Variants in BASP1 observed in about 807,000 individuals in gnomAD.
The protein encoded by BASP1 is brain acid soluble protein 1.
BASP1 carries 1 observed loss-of-function variant against 2.2 expected under a neutral mutation model. The observed-to-expected ratio is 0.46, with a 90% confidence interval of 0.16 to 2.17. The LOEUF (loss-of-function observed/expected upper bound fraction) is 2.17. Ranked by LOEUF, BASP1 falls within the 30% of genes most tolerant of loss-of-function variation. BASP1 has a pLI of 0.27. For synonymous variants in BASP1, 187 were observed against 154.2 expected, an observed-to-expected ratio of 1.21 and a Z score of -1.58; for missense variants, 352 against 327.2, an observed-to-expected ratio of 1.08 and a Z score of -0.58.
At chr5:17,227,689 C>A (rs1739544592) in intron 1 of BASP1, among the ~76,000 whole-genome samples, 1 of 152,172 alleles carries the variant, frequency 6.6e-6, no homozygotes, top group Non-Finnish European at 1.5e-5. Flanking sequence ...CAGGCGTGAG[C>A]CACCATGCCC....
chr5:17,245,685 G>A (rs1312914944), intron 1 of BASP1, among the ~76,000 whole-genome samples: 1 of 150,170 alleles, frequency 6.7e-6, no homozygotes, highest in Non-Finnish European at 1.5e-5. Context: ...AGTTTTTACT[G>A]TTTGGCTTAC....
intron 1 of BASP1, among the ~76,000 whole-genome samples, chr5:17,269,733 C>G (rs1740492706): frequency 6.6e-6 from 1 of 152,150 alleles, no homozygotes; most frequent in Non-Finnish European, 1.5e-5. Context: ...GATAAACAAA[C>G]AGTATTCTTC....
chr5:17,263,040 G>T (rs1471230400), intron 1 of BASP1, among the ~76,000 whole-genome samples: 6 of 151,932 alleles, frequency 3.9e-5, no homozygotes, highest in Non-Finnish European at 5.9e-5. Flanking sequence ...GTAGAGATGG[G>T]GTTTCACCGT....
At chr5:17,223,356 C>G (rs1003219341) in intron 1 of BASP1, among the ~76,000 whole-genome samples, 1 of 152,138 alleles carries the variant, frequency 6.6e-6, no homozygotes, top group Admixed American at 6.5e-5. Flanking sequence ...GACAATGCCT[C>G]CTTATATTCA....
intron 1 of BASP1, among the ~76,000 whole-genome samples, chr5:17,259,272 A>G (rs1740269219): frequency 6.6e-6 from 1 of 152,160 alleles, no homozygotes; most frequent in Admixed American, 6.5e-5. Context: ...CCACCACAAA[A>G]ACAGTGCAGG....
At chr5:17,253,290 A>G (rs528754692) in intron 1 of BASP1, among the ~76,000 whole-genome samples, 11 of 152,308 alleles carry the variant, frequency 7.2e-5, no homozygotes, top group African/African-American at 2.4e-4. Context: ...GGCTCACTAC[A>G]GCCTCACCCT....
At chr5:17,272,590 AAAT>A (rs1432094778) in intron 1 of BASP1, among the ~76,000 whole-genome samples, 5 of 152,194 alleles carry the variant, frequency 3.3e-5, no homozygotes, top group Non-Finnish European at 5.9e-5. Context: ...TGGTCTTGGG[AAAT>A]AATGAGACAA....
intron 1 of BASP1, among the ~76,000 whole-genome samples, chr5:17,224,146 G>T (rs1238132315): frequency 6.6e-6 from 1 of 152,186 alleles, no homozygotes; most frequent in Non-Finnish European, 1.5e-5. Flanking sequence ...TTACTTCAGG[G>T]ATATGCCCAA....
At chr5:17,247,025 A>G (rs1181256393) in intron 1 of BASP1, among the ~76,000 whole-genome samples, 1 of 151,996 alleles carries the variant, frequency 6.6e-6, no homozygotes, top group Non-Finnish European at 1.5e-5. Context: ...TGTGTCTACA[A>G]AAAATACAAA....
At chr5:17,229,469 G>GT (rs1739577324) in intron 1 of BASP1, among the ~76,000 whole-genome samples, 1 of 152,274 alleles carries the variant, frequency 6.6e-6, no homozygotes, top group African/African-American at 2.4e-5. Context: ...AGAATTTTTG[G>GT]TAAGTACAAT....
intron 1 of BASP1, among the ~76,000 whole-genome samples, chr5:17,231,930 T>C (rs1299473651): frequency 1.3e-5 from 2 of 152,240 alleles, no homozygotes; most frequent in Non-Finnish European, 2.9e-5. Flanking sequence ...CTTCTGAACA[T>C]CGCCTTTGGC....
chr5:17,266,351 C>T (rs576634220), intron 1 of BASP1, among the ~76,000 whole-genome samples: 43 of 152,074 alleles, frequency 2.8e-4, no homozygotes, highest in Middle Eastern at 3.4e-3. Context: ...TTTTTCTGTT[C>T]CTTCGCCACC....
chr5:17,232,910 T>G (rs1441031935), intron 1 of BASP1, among the ~76,000 whole-genome samples: 2 of 152,222 alleles, frequency 1.3e-5, no homozygotes, highest in African/African-American at 4.8e-5. Context: ...GTGTCCATCT[T>G]GAGATCTCTC....
chr5:17,236,462 G>A lies in BASP1; in HGVS notation c.-10+18652G>A, dbSNP rs897721223. 3.9e-5 allele frequency among the ~76,000 whole-genome samples: 6 copies of A among 151,906 alleles called. No individual in the cohort carries two copies. Among genetic ancestry groups the A allele is most frequent in the African/African-American group, 1.5e-4 (6 of 41,350 alleles). ...GTATTTTTAGTAGAGACGGGGTTTCGCCTTGTTGGTCAGGCTGGTCTCAAA... is the reference window on the plus strand; with the variant it reads ...GTATTTTTAGTAGAGACGGGGTTTCACCTTGTTGGTCAGGCTGGTCTCAAA... On this transcript the variant is annotated intron_variant, in intron 1 of 1. Transcript: ENST00000322611. This position sits in a 1 kb window ranked among gnomAD's most constrained non-coding sequence, Gnocchi z 4.0.
At chr5:17,226,671 G>A (rs186410734) in intron 1 of BASP1, among the ~76,000 whole-genome samples, 1 of 152,304 alleles carries the variant, frequency 6.6e-6, no homozygotes, top group Admixed American at 6.5e-5. Flanking sequence ...CCTTACTAAT[G>A]TTCTCAGCTA....
At chr5:17,235,456 G>T (rs1469304149) in intron 1 of BASP1, among the ~76,000 whole-genome samples, 3 of 152,022 alleles carry the variant, frequency 2.0e-5, no homozygotes, top group Non-Finnish European at 2.9e-5. Context: ...TAGAGACGGG[G>T]TTTCACCGTG....
chr5:17,242,658 T>C (rs184615704), intron 1 of BASP1, among the ~76,000 whole-genome samples: 60 of 152,316 alleles, frequency 3.9e-4, no homozygotes, highest in Non-Finnish European at 7.8e-4. Context: ...TTAAGGGGGA[T>C]TAAATGATCG....
rs1217938928 is a variant in BASP1 at position 17,275,427 on chromosome 5, G to A, written c.211G>A (p.Gly71Ser). Residue 71 changes from glycine to serine, a missense_variant, in exon 2 of 2, where the codon GGC becomes AGC. Transcript: ENST00000322611. The surrounding 1 kb of genome is among the most constrained non-coding windows in gnomAD (Gnocchi z 5.3). The part of the protein sequence containing the change: ...DAEGKAEEKE[G>S]EKDAAAAKEE... ...CGAGGGCAAGGCCGAGGAGAAGGAG[G>A]GCGAGAAGGACGCGGCGGCTGCCAA... 6 of 1,544,236 alleles carry A rather than the reference G, an allele frequency of 3.9e-6. No individual in the cohort carries two copies. Among genetic ancestry groups the A allele is most frequent in the Non-Finnish European group, 4.4e-6 (5 of 1,147,698 alleles).
intron 1 of BASP1, among the ~76,000 whole-genome samples, chr5:17,270,325 C>T (rs1192561939): frequency 6.6e-6 from 1 of 152,110 alleles, no homozygotes; most frequent in East Asian, 1.9e-4. Flanking sequence ...CTGATCACTC[C>T]AATACTCGTT....
Sources: allele counts gnomAD v4.1 joint callset (sites outside exome capture counted in the v4.1 genomes callset), GRCh38; gene constraint gnomAD v4.1.1; non-coding constraint Gnocchi (gnomAD v3.1); transcripts MANE v1.5; gene names NCBI Gene and HGNC (gene_info 2026-07-23, HGNC 2026-07-21).